The following EGFR variants were observed in gnomAD, a reference collection of about 807,000 sequenced individuals.
EGFR encodes epidermal growth factor receptor.
A neutral mutation model predicts 143.0 loss-of-function variants in EGFR; 58 were observed. That is an observed-to-expected ratio of 0.41 (90% CI 0.33 to 0.50). The LOEUF is 0.50. EGFR is among the 20% of genes least tolerant of loss of function. The pLI, the probability that EGFR is intolerant of heterozygous loss-of-function variation, is 0.39. For missense variants in EGFR, 1,307 were observed against 1,579.0 expected, an observed-to-expected ratio of 0.83 and a Z score of 2.92; for synonymous variants, 613 against 594.4, an observed-to-expected ratio of 1.03 and a Z score of -0.45.
At chr7:55,088,688 CT>C (rs1790916536) in intron 1 of EGFR, among the ~76,000 whole-genome samples, 1 of 152,210 alleles carries the variant, frequency 6.6e-6, no homozygotes, top group African/African-American at 2.4e-5. Context: ...CTAATGGGAC[CT>C]TAACCATGTG....
chr7:55,115,266 CACAT>C (rs1208255316), intron 1 of EGFR, among the ~76,000 whole-genome samples: 1 of 152,154 alleles, frequency 6.6e-6, no homozygotes, highest in Non-Finnish European at 1.5e-5. Context: ...GCCAGGCACT[CACAT>C]AGTTTATAGT....
At chr7:55,071,623 A>C (rs148421826) in intron 1 of EGFR, among the ~76,000 whole-genome samples, 57 of 152,348 alleles carry the variant, frequency 3.7e-4, no homozygotes, top group Middle Eastern at 3.4e-3. Context: ...CTTTCTAGGC[A>C]GTCTTACCAG....
chr7:55,191,284 A>C (rs879437766), intron 20 of EGFR, among the ~76,000 whole-genome samples: 1 of 152,168 alleles, frequency 6.6e-6, no homozygotes, highest in African/African-American at 2.4e-5. Context: ...AAGAAAGCAC[A>C]ATGAGAGTGT....
chr7:55,119,023 A>G (rs1793044859), intron 1 of EGFR: 1 of 152,208 alleles, frequency 6.6e-6, no homozygotes, highest in East Asian at 1.9e-4. Context: ...AAGTAAGCCT[A>G]AAACTCTGCT....
At chr7:55,187,465 G>A (rs1370463427) in intron 20 of EGFR, among the ~76,000 whole-genome samples, 3 of 152,172 alleles carry the variant, frequency 2.0e-5, no homozygotes, top group East Asian at 1.9e-4. Context: ...CCAGCTCAGA[G>A]CATGACTCTC....
At chr7:55,166,348 C>T in intron 15 of EGFR, 3 of 565,702 alleles carry the variant, frequency 5.3e-6, no homozygotes, top group Non-Finnish European at 1.0e-5. Context: ...TTGTTTGGAA[C>T]TGTTACTCAT....
At chr7:55,128,794 A>C (rs1260331300) in intron 1 of EGFR, among the ~76,000 whole-genome samples, 1 of 152,160 alleles carries the variant, frequency 6.6e-6, no homozygotes, top group East Asian at 1.9e-4. Context: ...GGAAACTAAA[A>C]CCTAGGGGAG....
At chr7:55,194,874 CT>C (rs1274331946) in intron 22 of EGFR, among the ~76,000 whole-genome samples, 3 of 152,348 alleles carry the variant, frequency 2.0e-5, no homozygotes, top group Non-Finnish European at 4.4e-5. Context: ...GACCATGAGC[CT>C]GAATTTTTTG....
In EGFR at chr7:55,165,338, C is replaced by A. The variant is rs778011429; in HGVS notation, c.1781C>A (p.Thr594Asn). 36 of 1,614,088 alleles carry A rather than the reference C, an allele frequency of 2.2e-5. No individual in the cohort carries two copies. The highest frequency in any genetic ancestry group is 4.5e-5 in the East Asian group (2 of 44,906). Residue 594 changes from threonine to asparagine, a missense_variant, in exon 15 of 28, where the codon ACC (threonine) becomes AAC (asparagine). Physicochemically the swap from Thr to Asn is moderately conservative, Grantham distance 65. This residue lies in a region of EGFR where 250 missense variants were observed against 295.1 expected (regional missense o/e 0.85). Transcript: ENST00000275493. ...ATTGACGGCCCCCACTGCGTCAAGA[C>A]CTGCCCGGCAGGAGTCATGGGAGAA... Reference protein sequence around the residue: ...HYIDGPHCVKTCPAGVMGENN... With the variant: ...HYIDGPHCVKNCPAGVMGENN...
intron 16 of EGFR, among the ~76,000 whole-genome samples, chr7:55,172,102 C>A (rs1254563713): frequency 6.6e-6 from 1 of 152,200 alleles, no homozygotes; most frequent in Non-Finnish European, 1.5e-5. Flanking sequence ...CCACTCCACA[C>A]TGCAATCTCA....
intron 1 of EGFR, among the ~76,000 whole-genome samples, chr7:55,021,758 A>T (rs12718937): frequency 0.31 from 47,816 of 152,052 alleles, 8,531 homozygotes; most frequent in East Asian, 0.69. Flanking sequence ...TCTTAGAGGT[A>T]ATGACTGCCA....
chr7:55,165,270 C>T lies in EGFR; in HGVS notation c.1723-10C>T, dbSNP rs1785908649. 6.2e-7 allele frequency: 1 copy of T among 1,614,100 alleles called. No individual in the cohort carries two copies. Among genetic ancestry groups the T allele is most frequent in the South Asian group, 1.1e-5 (1 of 91,090 alleles). On this transcript the variant is annotated splice_polypyrimidine_tract_variant and intron_variant, in intron 14 of 27. Transcript: ENST00000275493. ...GACATGCATGAACATTTTTCTCCACCTTGGTGCAGGGACCAGACAACTGTA... is the reference window on the plus strand; with the variant it reads ...GACATGCATGAACATTTTTCTCCACTTTGGTGCAGGGACCAGACAACTGTA...
intron 1 of EGFR, among the ~76,000 whole-genome samples, chr7:55,123,304 T>A (rs1047989102): frequency 6.6e-6 from 1 of 152,166 alleles, no homozygotes; most frequent in African/African-American, 2.4e-5. Flanking sequence ...GATTAAAGAG[T>A]CATTCTTTGA....
intron 1 of EGFR, among the ~76,000 whole-genome samples, chr7:55,121,888 T>C (rs1793228697): frequency 6.6e-6 from 1 of 152,202 alleles, no homozygotes. Flanking sequence ...AGCTGTCCCA[T>C]GTGGGGCCTG....
At chr7:55,047,281 A>T (rs1482649122) in intron 1 of EGFR, among the ~76,000 whole-genome samples, 1 of 152,214 alleles carries the variant, frequency 6.6e-6, no homozygotes, top group Non-Finnish European at 1.5e-5. Context: ...TATCACCCAG[A>T]ACACCTAGTA....
intron 1 of EGFR, among the ~76,000 whole-genome samples, chr7:55,071,293 T>C (rs1169180412): frequency 1.3e-5 from 2 of 152,244 alleles, no homozygotes; most frequent in African/African-American, 4.8e-5. Flanking sequence ...AAAATTGCCT[T>C]TGTATATTTT....
chr7:55,119,830 C>T (rs190306577), intron 1 of EGFR, among the ~76,000 whole-genome samples: 24 of 152,326 alleles, frequency 1.6e-4, no homozygotes, highest in Admixed American at 1.2e-3. Flanking sequence ...GTGACCACTG[C>T]CCCAAATCTG....
chr7:55,204,436 A>T (rs980879386), intron 27 of EGFR, among the ~76,000 whole-genome samples: 10 of 151,114 alleles, frequency 6.6e-5, no homozygotes, highest in African/African-American at 2.4e-4. Context: ...ACACATGTAC[A>T]CACACACCAC....
chr7:55,186,455 C>T (rs1209889708), intron 20 of EGFR, among the ~76,000 whole-genome samples: 2 of 152,220 alleles, frequency 1.3e-5, no homozygotes, highest in East Asian at 3.9e-4. Context: ...CTCCTGATCC[C>T]GTCTGCACTG....
Sources: allele counts gnomAD v4.1 joint callset (sites outside exome capture counted in the v4.1 genomes callset), GRCh38; gene constraint gnomAD v4.1.1; regional missense constraint gnomAD v4.1.1; transcripts MANE v1.5; gene names NCBI Gene and HGNC (gene_info 2026-07-23, HGNC 2026-07-21).